BOP1: variants seen among roughly 807,000 people sequenced by gnomAD.
The protein encoded by BOP1 is ribosome biogenesis protein BOP1.
Under a neutral mutation model 82.9 loss-of-function variants are expected in BOP1, and 54 were observed. The observed-to-expected ratio is 0.65, with a 90% CI of 0.52 to 0.82. BOP1 has a LOEUF of 0.82. Ranked by LOEUF, BOP1 falls within the 40% of genes least tolerant of loss-of-function variation. The pLI, the probability that BOP1 is intolerant of heterozygous loss-of-function variation, is 0.00. For synonymous variants in BOP1, 566 were observed against 451.1 expected (o/e 1.25, Z -3.23); for missense variants, 1,170 against 1,072.0 (o/e 1.09, Z -1.28).
chr8:144,285,445 G>A (rs1225574800), intron 2 of BOP1, among the ~76,000 whole-genome samples: 1 of 152,216 alleles, frequency 6.6e-6, no homozygotes, highest in Non-Finnish European at 1.5e-5. Context: ...GGGACAGGCA[G>A]AAGCACGTGG....
Position 144,263,355 on chromosome 8 carries a change from C to A in BOP1, c.1471G>T (p.Val491Leu). ...LLNPALGDRL[V>L]AGSTDQLLSA... ...AACAGCTGATCTGTGCTGCCCGCCA[C>A]CAGCCGGTCCCCCAGAGCTGGGTTC... Residue 491 changes from valine to leucine, a missense_variant, in exon 12 of 16, where the codon GTG becomes TTG. Transcript: ENST00000569669. The A allele has an allele frequency of 6.3e-7, 1 of 1,596,600 alleles. No individual in the cohort carries two copies. The highest frequency in any genetic ancestry group is 1.7e-5 in the Admixed American group (1 of 59,922).
rs1588603995 is a variant in BOP1, at chr8:144,281,112, TC to T, written c.310-4809del. Among the ~76,000 whole-genome samples the T allele has an allele frequency of 4.4e-4, 66 of 148,422 alleles. 22 individuals carry two copies. The highest frequency in any genetic ancestry group is 8.1e-4 in the Admixed American group (12 of 14,824). ...CACTTTAATACCAGGTCTTCGGCCT[TC>T]TCTCAGTTTAATACCAGGTCTTAGG... is the stretch of plus-strand genomic sequence containing the variant. On this transcript the variant is annotated intron_variant, in intron 2 of 15. Transcript: ENST00000569669.
At chr8:144,275,744 C>T (rs1845559271) in intron 3 of BOP1, among the ~76,000 whole-genome samples, 1 of 152,146 alleles carries the variant, frequency 6.6e-6, no homozygotes, top group African/African-American at 2.4e-5. Flanking sequence ...CCCAGAACAT[C>T]AGGACATTAG....
At chr8:144,273,807 C>G (rs1845530630) in intron 3 of BOP1, among the ~76,000 whole-genome samples, 1 of 150,836 alleles carries the variant, frequency 6.6e-6, no homozygotes, top group Non-Finnish European at 1.5e-5. Flanking sequence ...CCCCCCACTG[C>G]CGGCGGCAGG....
intron 3 of BOP1, among the ~76,000 whole-genome samples, chr8:144,273,796 G>A (rs1845530419): frequency 6.6e-6 from 1 of 150,916 alleles, no homozygotes; most frequent in African/African-American, 2.5e-5. Context: ...GCTCCTGGGG[G>A]CCCCCCACTG....
rs782538860 is a variant in BOP1, at chr8:144,291,336, GCCGCCGTGCGCC to G, written c.23_34del (p.Gly8_Ala11del). 4 of 1,409,062 alleles carry G rather than the reference GCCGCCGTGCGCC, an allele frequency of 2.8e-6. No individual in the cohort carries two copies. The South Asian group carries it at 4.2e-5, about 15-fold the overall frequency. The allele number at this position is 1,409,062 out of a possible 1,614,324, so 87.3% of individuals were successfully genotyped here. ...CCGCTTCTCCGGCCGCACGCTCGGC[GCCGCCGTGCGCC>G]CCGCACCCCGCGAACCCGCCATGCC... On this transcript the variant is annotated inframe_deletion, in exon 1 of 16. Coordinates refer to ENST00000569669, the MANE Select transcript of BOP1 (RefSeq NM_015201.5). The surrounding 1 kb of genome is among the most constrained non-coding windows in gnomAD (Gnocchi z 4.1).
Position 144,263,055 on chromosome 8 carries a change from G to C in BOP1, c.1692C>G (p.His564Gln). ...TCTGGCTGCGGCGACGGCTCAGCTG[G>C]TGAATCAGCACCTGGGTGTGGCCTT... The part of the protein sequence containing the change: ...ATQGHTQVLI[H>Q]QLSRRRSQSP... Residue 564 changes from histidine to glutamine, a missense_variant, in exon 13 of 16, where the codon CAC becomes CAG. Coordinates refer to ENST00000569669, the MANE Select transcript of BOP1 (RefSeq NM_015201.5). 1 of 1,584,170 alleles carries C rather than the reference G, an allele frequency of 6.3e-7. No homozygotes were observed. Among genetic ancestry groups the C allele is most frequent in the Non-Finnish European group, 8.5e-7 (1 of 1,174,276 alleles).
chr8:144,266,749 C>A (rs1845377622), intron 3 of BOP1: 1 of 1,080,004 alleles, frequency 9.3e-7, no homozygotes, highest in South Asian at 2.9e-5. Flanking sequence ...GCACGCGGCG[C>A]GCTGCGGCCT....
chr8:144,264,631 G>A lies in BOP1; in HGVS notation c.664-15C>T, dbSNP rs1292908943. ...TCGACAGCCGGCTGGGGGAGAAGATGTGGGCGTGTGGGCCAGAGTGGCTGA... is the reference window on the plus strand; with the variant it reads ...TCGACAGCCGGCTGGGGGAGAAGATATGGGCGTGTGGGCCAGAGTGGCTGA... On this transcript the variant is annotated splice_polypyrimidine_tract_variant and intron_variant, in intron 5 of 15. Coordinates refer to ENST00000569669, the MANE Select transcript of BOP1 (RefSeq NM_015201.5). 1.9e-6 allele frequency: 3 copies of A among 1,579,962 alleles called. No individual in the cohort carries two copies. Among genetic ancestry groups the A allele is most frequent in the South Asian group, 2.3e-5 (2 of 87,730 alleles).
At chr8:144,284,739 G>A (rs1454629425) in intron 2 of BOP1, among the ~76,000 whole-genome samples, 2 of 152,176 alleles carry the variant, frequency 1.3e-5, no homozygotes, top group African/African-American at 2.4e-5. Context: ...AGAACACCAC[G>A]TGCAGCTGCT....
chr8:144,291,319 C>T lies in BOP1; in HGVS notation c.52G>A (p.Glu18Lys). The T allele has an allele frequency of 7.0e-7, 1 of 1,438,244 alleles. No individual in the cohort carries two copies. Among genetic ancestry groups the T allele is most frequent in the South Asian group, 1.3e-5 (1 of 74,844 alleles). The allele number at this position is 1,438,244 out of a possible 1,614,324, so 89.1% of individuals were successfully genotyped here. A position where few individuals can be genotyped will look rare whatever the true frequency, so the allele number is the denominator to read the frequency against. ...GRTAAPSVRP[E>K]KRRSEPELEP... The stretch of plus-strand genomic sequence containing the variant: ...AGTTCGGGCTCAGACCGCCGCTTCT[C>T]CGGCCGCACGCTCGGCGCCGCCGTG... The change falls in exon 1 of 16, where the codon GAG becomes AAG. Residue 18 changes from glutamate (E) to lysine (K), a missense_variant. Glu to Lys is a moderately conservative substitution (Grantham distance 56). Transcript: ENST00000569669. This position sits in a 1 kb window ranked among gnomAD's most constrained non-coding sequence, Gnocchi z 4.1.
intron 3 of BOP1, among the ~76,000 whole-genome samples, chr8:144,274,053 G>C (rs1845534266): frequency 6.6e-6 from 1 of 152,160 alleles, no homozygotes; most frequent in Admixed American, 6.5e-5. Flanking sequence ...GAAGTGGCCT[G>C]AGGAGAAGGG....
chr8:144,286,157 A>C (rs1554839443), intron 2 of BOP1, among the ~76,000 whole-genome samples: 1 of 152,142 alleles, frequency 6.6e-6, no homozygotes. Flanking sequence ...AACAGGGGGG[A>C]AAAGGGAGGG....
At chr8:144,283,463 C>T (rs1398568103) in intron 2 of BOP1, among the ~76,000 whole-genome samples, 5 of 152,236 alleles carry the variant, frequency 3.3e-5, no homozygotes, top group South Asian at 2.1e-4. Context: ...GGGCACGCAC[C>T]GCCATGCCTG....
chr8:144,273,095 G>T (rs1346287821), intron 3 of BOP1, among the ~76,000 whole-genome samples: 2 of 152,144 alleles, frequency 1.3e-5, no homozygotes, highest in Non-Finnish European at 2.9e-5. Flanking sequence ...CCGTTCGCTC[G>T]CCGGGAAACC....
chr8:144,263,168 G>A, intron 12 of BOP1, 27 bp from the exon 13 acceptor site: 3 of 1,592,378 alleles, frequency 1.9e-6, no homozygotes, highest in Non-Finnish European at 1.7e-6. Flanking sequence ...CTGGCTGAGT[G>A]GCTGAGCCGG....
At chr8:144,262,802 C>CGGGGGG in intron 13 of BOP1, 51 bp downstream of exon 13, 1 of 845,250 alleles carries the variant, frequency 1.2e-6, no homozygotes, top group South Asian at 2.0e-5. Context: ...CAGGGTACAC[C>CGGGGGG]GCCCCCCCCC....
In BOP1 at chr8:144,264,613, C is replaced by A; in HGVS notation, c.667G>T (p.Ala223Ser). The change falls in exon 6 of 16, where the codon GCT becomes TCT. Residue 223 changes from alanine (A) to serine (S), a missense_variant. Transcript: ENST00000569669. ...ACGTCCCCGCTGAAGAAGTCGACAG[C>A]CGGCTGGGGGAGAAGATGTGGGCGT... ...GDVGFNPYEP[A>S]VDFFSGDVMI... The A allele has an allele frequency of 6.3e-7, 1 of 1,596,208 alleles. No homozygotes were observed. Among genetic ancestry groups the A allele is most frequent in the Non-Finnish European group, 8.5e-7 (1 of 1,171,346 alleles).
chr8:144,265,017 G>A lies in BOP1; in HGVS notation c.445C>T (p.His149Tyr). 4.3e-6 allele frequency: 7 copies of A among 1,612,314 alleles called. No individual in the cohort carries two copies. The highest frequency in any genetic ancestry group is 5.9e-6 in the Non-Finnish European group (7 of 1,179,736). The change falls in exon 4 of 16, where the codon CAC becomes TAC. Residue 149 changes from histidine to tyrosine, a missense_variant. Coordinates refer to ENST00000569669, the MANE Select transcript of BOP1 (RefSeq NM_015201.5). ...CTGCCATCCAGGTCGTAGCCCACGT[G>A]GGGGAAGTCATCGTACCACTCCAAG... ...VPLEWYDDFP[H>Y]VGYDLDGRRI...
Sources: allele counts gnomAD v4.1 joint callset (sites outside exome capture counted in the v4.1 genomes callset), GRCh38; gene constraint gnomAD v4.1.1; non-coding constraint Gnocchi (gnomAD v3.1); transcripts MANE v1.5; gene names NCBI Gene and HGNC (gene_info 2026-07-23, HGNC 2026-07-21).